TAFA4: variants seen among roughly 807,000 people sequenced by gnomAD.
TAFA4 encodes TAFA chemokine like family member 4.
In TAFA4, 20 loss-of-function variants were observed where a neutral mutation model predicts 21.1. That is an observed-to-expected ratio of 0.95 (90% CI 0.67 to 1.38). The LOEUF (loss-of-function observed/expected upper bound fraction) is 1.38. TAFA4 is among the 40% of genes most tolerant of loss of function. TAFA4 has a pLI of 0.00. For synonymous variants in TAFA4, 71 were observed against 67.4 expected (o/e 1.05, Z -0.26); for missense variants, 211 against 180.9 (o/e 1.17, Z -0.95).
intron 3 of TAFA4, among the ~76,000 whole-genome samples, chr3:68,776,906 A>G (rs1462745660): frequency 3.9e-5 from 6 of 152,130 alleles, no homozygotes; most frequent in Non-Finnish European, 8.8e-5. Context: ...ATCAAGTCAA[A>G]GAAGAAATAG....
intron 3 of TAFA4, among the ~76,000 whole-genome samples, chr3:68,817,993 G>C (rs1016955338): frequency 6.6e-6 from 1 of 152,128 alleles, no homozygotes; most frequent in African/African-American, 2.4e-5. Context: ...GAGCCTAGCA[G>C]TGACTACTTT....
At chr3:68,927,023 C>G (rs559948884) in intron 1 of TAFA4, among the ~76,000 whole-genome samples, 131 of 152,320 alleles carry the variant, frequency 8.6e-4, no homozygotes, top group Non-Finnish European at 1.6e-3. Flanking sequence ...AGACTGCTCT[C>G]CCATACCATC....
intron 3 of TAFA4, among the ~76,000 whole-genome samples, chr3:68,759,744 G>T (rs1356360852): frequency 6.6e-6 from 1 of 152,172 alleles, no homozygotes. Flanking sequence ...ATTGGAGCAG[G>T]CAAGACTGCG....
chr3:68,904,913 C>T (rs1448729831), intron 1 of TAFA4, among the ~76,000 whole-genome samples: 1 of 152,242 alleles, frequency 6.6e-6, no homozygotes, highest in African/African-American at 2.4e-5. Context: ...TGGGAACTGG[C>T]CTTGCAGCTG....
chr3:68,779,813 C>A (rs1028577658), intron 3 of TAFA4, among the ~76,000 whole-genome samples: 1 of 152,200 alleles, frequency 6.6e-6, no homozygotes, highest in Non-Finnish European at 1.5e-5. Context: ...AGCCCCCACA[C>A]AGAGTCTCTA....
chr3:68,757,760 A>G (rs1035506072), intron 3 of TAFA4, among the ~76,000 whole-genome samples: 1 of 152,228 alleles, frequency 6.6e-6, no homozygotes, highest in African/African-American at 2.4e-5. Context: ...TTTAAGATAC[A>G]TATTTTTTTC....
At chr3:68,890,814 A>T (rs949345062) in intron 1 of TAFA4, among the ~76,000 whole-genome samples, 2 of 152,238 alleles carry the variant, frequency 1.3e-5, no homozygotes, top group African/African-American at 4.8e-5. Flanking sequence ...TTGGTCATCA[A>T]TCTGACATTA....
chr3:68,881,763 C>A (rs2089621148), intron 2 of TAFA4, among the ~76,000 whole-genome samples: 1 of 152,096 alleles, frequency 6.6e-6, no homozygotes, highest in South Asian at 2.1e-4. Context: ...TATGGGCCGA[C>A]AATAAAAACA....
chr3:68,873,167 T>C (rs866933932), intron 3 of TAFA4, among the ~76,000 whole-genome samples: 3 of 152,180 alleles, frequency 2.0e-5, no homozygotes, highest in Middle Eastern at 3.4e-3. Flanking sequence ...CTATGAGGCA[T>C]GCATCAGGCT....
intron 3 of TAFA4, among the ~76,000 whole-genome samples, chr3:68,755,011 C>G (rs1702633094): frequency 6.6e-6 from 1 of 152,104 alleles, no homozygotes; most frequent in Non-Finnish European, 1.5e-5. Context: ...ACTTAGAAAC[C>G]CGAATCTCAA....
At chr3:68,830,651 G>T (rs943518392) in intron 3 of TAFA4, among the ~76,000 whole-genome samples, 3 of 152,208 alleles carry the variant, frequency 2.0e-5, no homozygotes, top group Admixed American at 6.5e-5. Context: ...GTGCTGAGAA[G>T]AATGTATATT....
chr3:68,750,178 T>G (rs1702534817), intron 4 of TAFA4, among the ~76,000 whole-genome samples: 1 of 152,080 alleles, frequency 6.6e-6, no homozygotes, highest in African/African-American at 2.4e-5. Context: ...ACACCTGTAA[T>G]CCCCACACTT....
chr3:68,846,287 T>G (rs112648292), intron 3 of TAFA4, among the ~76,000 whole-genome samples: 18,642 of 151,578 alleles, frequency 0.12, 1,377 homozygotes, highest in African/African-American at 0.21. Context: ...CTGATATCCT[T>G]TCTTCTGCTT....
intron 3 of TAFA4, among the ~76,000 whole-genome samples, chr3:68,865,709 A>C (rs2089407553): frequency 6.6e-6 from 1 of 152,100 alleles, no homozygotes; most frequent in Non-Finnish European, 1.5e-5. Context: ...CATAGACATA[A>C]TCATAGTGTG....
intron 1 of TAFA4, among the ~76,000 whole-genome samples, chr3:68,886,291 G>C (rs934668014): frequency 2.0e-5 from 3 of 152,272 alleles, no homozygotes; most frequent in African/African-American, 2.4e-5. Flanking sequence ...GCATGTAAGA[G>C]AGTATGGGCC....
At chr3:68,846,631 T>C (rs992061345) in intron 3 of TAFA4, among the ~76,000 whole-genome samples, 2 of 152,218 alleles carry the variant, frequency 1.3e-5, no homozygotes, top group African/African-American at 4.8e-5. Flanking sequence ...CTTTTTGCAC[T>C]GGTTTTTTCC....
chr3:68,833,029 C>T (rs1288940944), intron 3 of TAFA4, among the ~76,000 whole-genome samples: 1 of 152,254 alleles, frequency 6.6e-6, no homozygotes, highest in South Asian at 2.1e-4. Context: ...AGGAGGGAAC[C>T]TCCTGGTCTG....
chr3:68,840,064 T>G (rs946245872), intron 3 of TAFA4, among the ~76,000 whole-genome samples: 2 of 152,210 alleles, frequency 1.3e-5, no homozygotes, highest in East Asian at 3.8e-4. Context: ...TCCAAAGAGA[T>G]GCCTTTGTTC....
chr3:68,790,532 T>G (rs1703342758), intron 3 of TAFA4, among the ~76,000 whole-genome samples: 1 of 152,080 alleles, frequency 6.6e-6, no homozygotes, highest in Admixed American at 6.6e-5. Context: ...ACAAAATAAA[T>G]GGGGAAAAAG....
Sources: gnomAD v4.1 joint callset for allele counts (sites outside exome capture counted in the v4.1 genomes callset) on GRCh38, gnomAD v4.1.1 for gene constraint, MANE v1.5 for transcripts, NCBI Gene and HGNC (gene_info 2026-07-23, HGNC 2026-07-21) for gene names.